Variants in EME2 observed in about 807,000 individuals in gnomAD.
EME2 encodes structure-specific endonuclease subunit EME2.
A neutral mutation model predicts 41.9 loss-of-function variants in EME2; 58 were observed. That is an observed-to-expected ratio of 1.38 (90% CI 1.12 to 1.72). The LOEUF (loss-of-function observed/expected upper bound fraction) is 1.72, where lower values mean the gene tolerates loss of function less well. Ranked by LOEUF, EME2 falls within the 40% of genes most tolerant of loss-of-function variation. The probability of loss-of-function intolerance (pLI) is 0.00; values close to 1 mark genes in which losing one functional copy is unlikely to be tolerated. For missense variants in EME2, 695 were observed against 541.9 expected (o/e 1.28, Z -2.81); for synonymous variants, 334 against 239.3 (o/e 1.40, Z -3.65).
Position 1,778,457 on chromosome 16 carries a change from G to A in EME2, c.*2219G>A. On this transcript the variant is annotated 3_prime_UTR_variant, in exon 8 of 8. Coordinates refer to ENST00000568449, the MANE Select transcript of EME2 (RefSeq NM_001257370.2). ...CACACTCGTCTTCCTCTCCGCAGCG[G>A]CAGTCCCTGCCCCGGTGGGCCGAGT... is the stretch of plus-strand genomic sequence containing the variant. 1 of 1,610,492 alleles carries A rather than the reference G, an allele frequency of 6.2e-7. No individual in the cohort carries two copies.
rs201221323 is a variant in EME2, at chr16:1,776,098, C to G, written c.1000C>G (p.Arg334Gly). ...GGAGGCCTGCAGCACGGAGCGGGAG[C>G]GCATGGGCCTCCTGGCCGACCTTCC... Reference protein sequence around the residue: ...ALEACSTERERMGLLADLPVP... With the variant: ...ALEACSTEREGMGLLADLPVP... Residue 334 changes from arginine to glycine, a missense_variant, in exon 8 of 8, where the codon CGC becomes GGC. Transcript: ENST00000568449. The G allele has an allele frequency of 1.9e-6, 3 of 1,610,928 alleles. No individual in the cohort carries two copies. Among genetic ancestry groups the G allele is most frequent in the Middle Eastern group, 1.7e-4 (1 of 6,054 alleles).
chr16:1,776,293 T>C lies in EME2; in HGVS notation c.*55T>C. ...AGCCTTGGGGACAGACCAGACACCCTGGGCGGTGGGGGAGGACCCCCAGCC... is the reference window on the plus strand; with the variant it reads ...AGCCTTGGGGACAGACCAGACACCCCGGGCGGTGGGGGAGGACCCCCAGCC... On this transcript the variant is annotated 3_prime_UTR_variant, in exon 8 of 8. Coordinates refer to ENST00000568449, the MANE Select transcript of EME2 (RefSeq NM_001257370.2). 6.4e-7 allele frequency: 1 copy of C among 1,563,040 alleles called. No homozygotes were observed. The highest frequency in any genetic ancestry group is 8.7e-7 in the Non-Finnish European group (1 of 1,147,974).
chr16:1,776,740 T>C lies in EME2; in HGVS notation c.*502T>C, dbSNP rs1447486133. 5 of 359,680 alleles carry C rather than the reference T, an allele frequency of 1.4e-5. No individual in the cohort carries two copies. Among genetic ancestry groups the C allele is most frequent in the African/African-American group, 8.4e-5 (4 of 47,714 alleles). 22.3% of individuals were successfully genotyped at this position (359,680 alleles called of 1,614,324 possible). A position where few individuals can be genotyped will look rare whatever the true frequency, so the allele number is the denominator to read the frequency against. On this transcript the variant is annotated 3_prime_UTR_variant, in exon 8 of 8. Coordinates refer to ENST00000568449, the MANE Select transcript of EME2 (RefSeq NM_001257370.2). ...GTGTTAGACATCAACTCTACATTTA[T>C]TGCAGTCCTTTAAGTCTATGACGGC...
chr16:1,773,293 G>T lies in EME2; in HGVS notation c.66G>T (p.Gly22=). The change falls in exon 1 of 8, where the codon GGG becomes GGT. Residue 22 remains glycine (G), a synonymous_variant. Transcript: ENST00000568449. ...AGGGCCGGGGCCGGGGACGGGGCGGGAGCGGTCAGCGGCGACCTCCAACCT... is the reference window on the plus strand; with the variant it reads ...AGGGCCGGGGCCGGGGACGGGGCGGTAGCGGTCAGCGGCGACCTCCAACCT... The part of the protein sequence containing the change: ...SCQGRGRGRG[G]SGQRRPPTWE... 6.7e-7 allele frequency: 1 copy of T among 1,489,896 alleles called. No individual in the cohort carries two copies. The highest frequency in any genetic ancestry group is 2.6e-5 in the East Asian group (1 of 38,608). The allele number at this position is 1,489,896 out of a possible 1,614,324, so 92.3% of individuals were successfully genotyped here.
chr16:1,773,668 A>G, intron 1 of EME2, 37 bp from the exon 2 acceptor site: 1 of 1,547,280 alleles, frequency 6.5e-7, no homozygotes. Context: ...CGAGGGTGGA[A>G]GGAAGCAGTG....
chr16:1,776,941 A>G lies in EME2; in HGVS notation c.*703A>G. 1 of 842,636 alleles carries G rather than the reference A, an allele frequency of 1.2e-6. No homozygotes were observed. The highest frequency in any genetic ancestry group is 1.8e-6 in the Non-Finnish European group (1 of 556,868). 52.2% of individuals were successfully genotyped at this position (842,636 alleles called of 1,614,324 possible). On this transcript the variant is annotated 3_prime_UTR_variant, in exon 8 of 8. Coordinates refer to ENST00000568449, the MANE Select transcript of EME2 (RefSeq NM_001257370.2). ...GAGGGGCCCTAGAGCCCCCACAGAA[A>G]GGACTGTCCCAGCCTCGGGAGCAAG...
intron 2 of EME2, 45 bp downstream of exon 2, chr16:1,773,886 T>C: frequency 6.7e-7 from 1 of 1,502,860 alleles, no homozygotes; most frequent in South Asian, 1.3e-5. Context: ...AGTTGGCTGT[T>C]TTGCTTCCAT....
In EME2 at chr16:1,781,392, C is replaced by G. The variant is rs1896704424; in HGVS notation, c.*5154C>G. 1 of 1,612,776 alleles carries G rather than the reference C, an allele frequency of 6.2e-7. No homozygotes were observed. Among genetic ancestry groups the G allele is most frequent in the African/African-American group, 1.3e-5 (1 of 74,912 alleles). ...AGAGTCGTAGCCCCAGTTAGTGGAGCCTGCTAGAGCCACGGCCCGGGCATC... is the reference window on the plus strand; with the variant it reads ...AGAGTCGTAGCCCCAGTTAGTGGAGGCTGCTAGAGCCACGGCCCGGGCATC... On this transcript the variant is annotated 3_prime_UTR_variant, in exon 8 of 8. Transcript: ENST00000568449.
In EME2 at chr16:1,772,841, G is replaced by C; in HGVS notation, c.-387G>C. On this transcript the variant is annotated 5_prime_UTR_variant, in exon 1 of 8. Transcript: ENST00000568449. ...GCCGCACCCGCGTGAGGCGCCAGTAGCACGGCTCGTCGTGCTGCCACAGCC... is the reference window on the plus strand; with the variant it reads ...GCCGCACCCGCGTGAGGCGCCAGTACCACGGCTCGTCGTGCTGCCACAGCC... 6.9e-7 allele frequency: 1 copy of C among 1,444,188 alleles called. No individual in the cohort carries two copies. The highest frequency in any genetic ancestry group is 9.1e-7 in the Non-Finnish European group (1 of 1,103,664). 89.5% of individuals were successfully genotyped at this position (1,444,188 alleles called of 1,614,324 possible).
In EME2 at chr16:1,773,075, G is replaced by A. The variant is rs1447780567; in HGVS notation, c.-153G>A. ...GCTCCCGCAGGGCGCGCACGCGGCG[G>A]GCCAGCTCCGCGATCAGCCGCGGAC... On this transcript the variant is annotated 5_prime_UTR_variant, in exon 1 of 8. Coordinates refer to ENST00000568449, the MANE Select transcript of EME2 (RefSeq NM_001257370.2). 3 of 1,413,930 alleles carry A rather than the reference G, an allele frequency of 2.1e-6. No homozygotes were observed. The highest frequency in any genetic ancestry group is 3.2e-5 in the Admixed American group (1 of 30,918). 87.6% of individuals were successfully genotyped at this position (1,413,930 alleles called of 1,614,324 possible). A position where few individuals can be genotyped will look rare whatever the true frequency, so the allele number is the denominator to read the frequency against.
rs973831198 is a variant in EME2, at chr16:1,776,288, C to T, written c.*50C>T. On this transcript the variant is annotated 3_prime_UTR_variant, in exon 8 of 8. Transcript: ENST00000568449. ...CATGCAGCCTTGGGGACAGACCAGA[C>T]ACCCTGGGCGGTGGGGGAGGACCCC... is the stretch of plus-strand genomic sequence containing the variant. 8.8e-6 allele frequency: 14 copies of T among 1,585,452 alleles called. No homozygotes were observed. In the African/African-American group the frequency reaches 1.8e-4, roughly 20 times the overall value.
Position 1,780,806 on chromosome 16 carries a change from C to T in EME2, c.*4568C>T. 3.9e-6 allele frequency: 1 copy of T among 255,520 alleles called. No individual in the cohort carries two copies. Among genetic ancestry groups the T allele is most frequent in the Non-Finnish European group, 7.8e-6 (1 of 128,402 alleles). The allele number at this position is 255,520 out of a possible 1,614,324, so 15.8% of individuals were successfully genotyped here. On this transcript the variant is annotated 3_prime_UTR_variant, in exon 8 of 8. Transcript: ENST00000568449. ...GGAACGCACTGGTGTGATCACGGCTCACTGCAGCCTTGACCTCCCTGGCTC... is the reference window on the plus strand; with the variant it reads ...GGAACGCACTGGTGTGATCACGGCTTACTGCAGCCTTGACCTCCCTGGCTC...
Position 1,773,109 on chromosome 16 carries a change from T to G in EME2, c.-119T>G, listed in dbSNP as rs778248787. On this transcript the variant is annotated 5_prime_UTR_variant, in exon 1 of 8. Coordinates refer to ENST00000568449, the MANE Select transcript of EME2 (RefSeq NM_001257370.2). ...CGCGATCAGCCGCGGACGCACCTTCTTCCGCGCCATGGCGGGTCCGCGTCC... is the reference window on the plus strand; with the variant it reads ...CGCGATCAGCCGCGGACGCACCTTCGTCCGCGCCATGGCGGGTCCGCGTCC... 1 of 1,397,370 alleles carries G rather than the reference T, an allele frequency of 7.2e-7. No individual in the cohort carries two copies. 86.6% of individuals were successfully genotyped at this position (1,397,370 alleles called of 1,614,324 possible). A position where few individuals can be genotyped will look rare whatever the true frequency, so the allele number is the denominator to read the frequency against.
In EME2 at chr16:1,773,014, C is replaced by T. The variant is rs1476535899; in HGVS notation, c.-214C>T. The T allele has an allele frequency of 2.1e-6, 3 of 1,454,414 alleles. No individual in the cohort carries two copies. The highest frequency in any genetic ancestry group is 1.5e-5 in the African/African-American group (1 of 67,136). The allele number at this position is 1,454,414 out of a possible 1,614,324, so 90.1% of individuals were successfully genotyped here. A position where few individuals can be genotyped will look rare whatever the true frequency, so the allele number is the denominator to read the frequency against. On this transcript the variant is annotated 5_prime_UTR_variant, in exon 1 of 8. Transcript: ENST00000568449. Reference sequence around the variant, plus strand: ...GGCCGCGTCAAGGTCTCGTAGTCCACCGCGTAGAGCTGGGAGTCGCGCGGC... The same window carrying T: ...GGCCGCGTCAAGGTCTCGTAGTCCATCGCGTAGAGCTGGGAGTCGCGCGGC...
Position 1,773,806 on chromosome 16 carries a change from T to C in EME2, c.349T>C (p.Trp117Arg). The C allele has an allele frequency of 6.4e-7, 1 of 1,557,684 alleles. No homozygotes were observed. The highest frequency in any genetic ancestry group is 2.4e-5 in the East Asian group (1 of 41,644). ...EPQRPARSLR[W>R]TRASPDPCPR... Reference sequence around the variant, plus strand: ...CCAGCGCCCGGCCCGCAGCCTGCGGTGGACCCGAGCGAGTCCCGACCCCTG... The same window carrying C: ...CCAGCGCCCGGCCCGCAGCCTGCGGCGGACCCGAGCGAGTCCCGACCCCTG... The change falls in exon 2 of 8, where the codon TGG becomes CGG. Residue 117 changes from tryptophan to arginine, a missense_variant. Transcript: ENST00000568449.
chr16:1,774,142 CTGTCAGGGCCTGGGCT>C, intron 2 of EME2, 102 bp from the exon 3 acceptor site: 1 of 912,710 alleles, frequency 1.1e-6, no homozygotes, highest in Non-Finnish European at 1.7e-6. Flanking sequence ...TAGAGCAGGC[CTGTCAGGGCCTGGGCT>C]TGGCTGGGGC....
In EME2 at chr16:1,778,720, G is replaced by A. The variant is rs2042751951; in HGVS notation, c.*2482G>A. The A allele has an allele frequency of 7.7e-6, 10 of 1,291,310 alleles. No homozygotes were observed. In the South Asian group the frequency reaches 1.2e-4, roughly 16 times the overall value. The allele number at this position is 1,291,310 out of a possible 1,614,324, so 80.0% of individuals were successfully genotyped here. A position where few individuals can be genotyped will look rare whatever the true frequency, so the allele number is the denominator to read the frequency against. On this transcript the variant is annotated 3_prime_UTR_variant, in exon 8 of 8. Coordinates refer to ENST00000568449, the MANE Select transcript of EME2 (RefSeq NM_001257370.2). The stretch of plus-strand genomic sequence containing the variant: ...TCCCTGACCCACCCAGGAAAGGATG[G>A]GGGTCCAGGCCTCCAGGGACTTCAC...
In EME2 at chr16:1,780,879, C is replaced by T. The variant is rs905880792; in HGVS notation, c.*4641C>T. ...TCCTGAGTCGTTGGGACTACAGGCA[C>T]GTGCCACCACGCCTGACACATTTTT... is the stretch of plus-strand genomic sequence containing the variant. On this transcript the variant is annotated 3_prime_UTR_variant, in exon 8 of 8. Transcript: ENST00000568449. The T allele has an allele frequency of 1.5e-5, 5 of 330,796 alleles. No homozygotes were observed. Among genetic ancestry groups the T allele is most frequent in the South Asian group, 2.4e-5 (1 of 41,770 alleles). The allele number at this position is 330,796 out of a possible 1,614,324, so 20.5% of individuals were successfully genotyped here.
rs3826055 is a variant in EME2 at position 1,775,688 on chromosome 16, C to T, written c.779+4C>T. On this transcript the variant is annotated splice_donor_region_variant and intron_variant, in intron 6 of 7. Transcript: ENST00000568449. ...CTCTCGCCCAGTATCCCCTCAAGTGCGTGATGCCAAGGCTGAAGGGGGGCA... is the reference window on the plus strand; with the variant it reads ...CTCTCGCCCAGTATCCCCTCAAGTGTGTGATGCCAAGGCTGAAGGGGGGCA... 1.1e-3 allele frequency: 1,736 copies of T among 1,612,910 alleles called. 54 individuals carry two copies. The East Asian group carries it at 0.035, about 33-fold the overall frequency.
Sources: allele counts gnomAD v4.1 joint callset, GRCh38; gene constraint gnomAD v4.1.1; transcripts MANE v1.5; gene names NCBI Gene and HGNC (gene_info 2026-07-23, HGNC 2026-07-21).